The following MLKL variants were observed in gnomAD, a reference collection of about 807,000 sequenced individuals.
MLKL encodes mixed lineage kinase domain-like protein.
In MLKL, 55 loss-of-function variants were observed where a neutral mutation model predicts 56.5. The ratio of observed to expected loss-of-function variants is 0.97; its 90% CI spans 0.78 to 1.22. The LOEUF (loss-of-function observed/expected upper bound fraction) is 1.22. MLKL is among the 50% of genes most tolerant of loss of function. The pLI is 0.00. For synonymous variants in MLKL, 251 were observed against 208.3 expected, an observed-to-expected ratio of 1.20 and a Z score of -1.76; for missense variants, 694 against 573.9, an observed-to-expected ratio of 1.21 and a Z score of -2.14.
rs1960197064 is a variant in MLKL, at chr16:74,684,447, AAAAG to A, written c.820+1035_820+1038del. On this transcript the variant is annotated intron_variant, in intron 5 of 10. Coordinates refer to ENST00000308807, the MANE Select transcript of MLKL (RefSeq NM_152649.4). The stretch of plus-strand genomic sequence containing the variant: ...GGAAAAAAAGAAAAAAAAAAAAAAA[AAAAG>A]AGCCTGTCACATAAGGCTCTTGGTA... Among the ~76,000 whole-genome samples, 7 of 151,084 alleles carry A rather than the reference AAAAG, an allele frequency of 4.6e-5. No individual in the cohort carries two copies. In the South Asian group the frequency reaches 1.5e-3, roughly 32 times the overall value.
At position 74,672,368 on chromosome 16, in the gene MLKL, A is replaced by G; in HGVS notation, c.*136T>C. 1.3e-6 allele frequency: 1 copy of G among 762,778 alleles called. No homozygotes were observed. The highest frequency in any genetic ancestry group is 1.7e-5 in the African/African-American group (1 of 57,504). 47.3% of individuals were successfully genotyped at this position (762,778 alleles called of 1,614,324 possible). ...TCCTGTATGACTGGAATCGTTTTCT[A>G]TTTGTAACAGAGAAGCGTGCCCACT... On this transcript the variant is annotated 3_prime_UTR_variant, in exon 11 of 11. Transcript: ENST00000308807.
At chr16:74,697,225 T>C (rs1894084400) in intron 1 of MLKL, among the ~76,000 whole-genome samples, 1 of 151,560 alleles carries the variant, frequency 6.6e-6, no homozygotes, top group Admixed American at 6.6e-5. Context: ...AGAGCCCTGA[T>C]CCTAAAGCTT....
chr16:74,684,776 C>A (rs984670134), intron 5 of MLKL, among the ~76,000 whole-genome samples: 1 of 152,070 alleles, frequency 6.6e-6, no homozygotes, highest in South Asian at 2.1e-4. Context: ...AGCCACAGCG[C>A]CTGGCCAGGT....
intron 2 of MLKL, 105 bp from the exon 3 acceptor site, chr16:74,692,521 T>C (rs1960736928): frequency 1.9e-5 from 16 of 850,424 alleles, no homozygotes; most frequent in Non-Finnish European, 2.7e-5. Flanking sequence ...TTTTTACCTA[T>C]CATATTCATT....
chr16:74,696,176 A>C (rs2144563883), intron 1 of MLKL, among the ~76,000 whole-genome samples: 1 of 152,266 alleles, frequency 6.6e-6, no homozygotes, highest in African/African-American at 2.4e-5. Context: ...TCCCTGGATA[A>C]TCACTTGGAG....
intron 1 of MLKL, 146 bp from the exon 2 acceptor site, chr16:74,695,905 C>T (rs1481356506): frequency 6.7e-6 from 5 of 745,070 alleles, no homozygotes; most frequent in Non-Finnish European, 1.1e-5. Context: ...TGGTTTGCTA[C>T]CCACCAAAAT....
Position 74,674,984 on chromosome 16 carries a change from G to A in MLKL, c.1357C>T (p.Pro453Ser), listed in dbSNP as rs940763334. The A allele has an allele frequency of 6.2e-6, 10 of 1,614,204 alleles. No homozygotes were observed. Among genetic ancestry groups the A allele is most frequent in the Non-Finnish European group, 8.5e-6 (10 of 1,180,042 alleles). Residue 453 changes from proline to serine, a missense_variant, in exon 10 of 11, where the codon CCC becomes TCC. Coordinates refer to ENST00000308807, the MANE Select transcript of MLKL (RefSeq NM_152649.4). The part of the protein sequence containing the change: ...EIIDECRAHD[P>S]SVRPSVDEIL... ...CCATCCACAGAGGGCCGCACAGAGGGATCATGGGCCCGGCACTCATCAATG... is the reference window on the plus strand; with the variant it reads ...CCATCCACAGAGGGCCGCACAGAGGAATCATGGGCCCGGCACTCATCAATG...
At chr16:74,700,126 T>TTC (rs1051322253) in intron 1 of MLKL, among the ~76,000 whole-genome samples, 6 of 151,974 alleles carry the variant, frequency 3.9e-5, no homozygotes, top group Non-Finnish European at 7.4e-5. Context: ...CATTTCCCTC[T>TTC]TCTCTCTCTC....
At chr16:74,681,473 G>A (rs1216886124) in intron 6 of MLKL, among the ~76,000 whole-genome samples, 1 of 152,056 alleles carries the variant, frequency 6.6e-6, no homozygotes, top group Non-Finnish European at 1.5e-5. Flanking sequence ...GATTCTGCAG[G>A]TGAGAATAGG....
At chr16:74,696,513 G>A (rs1479629200) in intron 1 of MLKL, among the ~76,000 whole-genome samples, 1 of 151,586 alleles carries the variant, frequency 6.6e-6, no homozygotes, top group Non-Finnish European at 1.5e-5. Flanking sequence ...GCAGCTGGGC[G>A]AGGTGGCTCC....
Position 74,685,591 on chromosome 16 carries a change from G to C in MLKL, c.723-8C>G, listed in dbSNP as rs534017015. 1 of 1,603,680 alleles carries C rather than the reference G, an allele frequency of 6.2e-7. No individual in the cohort carries two copies. Among genetic ancestry groups the C allele is most frequent in the Admixed American group, 1.7e-5 (1 of 59,956 alleles). On this transcript the variant is annotated splice_region_variant and splice_polypyrimidine_tract_variant and intron_variant, in intron 4 of 10. Transcript: ENST00000308807. Reference sequence around the variant, plus strand: ...AAAGTCTGCCTCACTATTCTATAAGGATTAAAGAGAGAAATCAGGATTTCA... The same window carrying C: ...AAAGTCTGCCTCACTATTCTATAAGCATTAAAGAGAGAAATCAGGATTTCA...
At chr16:74,678,784 A>T in intron 7 of MLKL, 115 bp downstream of exon 7, 1 of 727,494 alleles carries the variant, frequency 1.4e-6, no homozygotes, top group Non-Finnish European at 2.3e-6. Context: ...TCTGTCTCTA[A>T]ATAAATAAAT....
rs747840105 is a variant in MLKL, at chr16:74,685,487, T to C, written c.819A>G (p.Thr273=). The change falls in exon 5 of 11, where the codon ACA becomes ACG. Residue 273 remains threonine (T), a splice_region_variant and synonymous_variant. Coordinates refer to ENST00000308807, the MANE Select transcript of MLKL (RefSeq NM_152649.4). ...ACCAATCCTAGAAGCATTCCTTACC[T>C]GTTTCATCAATGCAAATCCCAAATA... ...LRIFGICIDE[T]VTPPQFSIVM... 2 of 1,612,186 alleles carry C rather than the reference T, an allele frequency of 1.2e-6. No individual in the cohort carries two copies. Among genetic ancestry groups the C allele is most frequent in the Non-Finnish European group, 1.7e-6 (2 of 1,178,294 alleles).
intron 1 of MLKL, among the ~76,000 whole-genome samples, chr16:74,696,819 G>A (rs1227888948): frequency 6.6e-6 from 1 of 150,672 alleles, no homozygotes; most frequent in East Asian, 1.9e-4. Flanking sequence ...TTAGCTAGGT[G>A]TGGTGGTGCA....
In MLKL at chr16:74,675,399, C is replaced by T; in HGVS notation, c.1196G>A (p.Gly399Glu). ...AGTGGCGATTTCCCAGAGGACGATT[C>T]CAAAGCTAAAAGAAAACCAAGAAAC... ...YDVKSEIYSF[G>E]IVLWEIATGD... Residue 399 changes from glycine (G) to glutamate (E), a missense_variant, in exon 9 of 11, where the codon GGA (glycine) becomes GAA (glutamate). Coordinates refer to ENST00000308807, the MANE Select transcript of MLKL (RefSeq NM_152649.4). 6.2e-7 allele frequency: 1 copy of T among 1,613,844 alleles called. No homozygotes were observed. Among genetic ancestry groups the T allele is most frequent in the Non-Finnish European group, 8.5e-7 (1 of 1,180,036 alleles).
At chr16:74,690,040 C>T (rs555175020) in intron 4 of MLKL, among the ~76,000 whole-genome samples, 22 of 152,212 alleles carry the variant, frequency 1.4e-4, no homozygotes, top group Admixed American at 2.6e-4. Context: ...TGCTTTATTT[C>T]CACAATATAC....
chr16:74,698,001 C>T (rs1382270751), intron 1 of MLKL, among the ~76,000 whole-genome samples: 1 of 152,038 alleles, frequency 6.6e-6, no homozygotes, highest in African/African-American at 2.4e-5. Context: ...AGCCTGAGTT[C>T]GAGACCAGCC....
At chr16:74,672,953 T>C (rs1165526673) in intron 10 of MLKL, among the ~76,000 whole-genome samples, 1 of 152,238 alleles carries the variant, frequency 6.6e-6, no homozygotes, top group Non-Finnish European at 1.5e-5. Context: ...TCTGCGCTTC[T>C]GCTCTGTGGT....
intron 4 of MLKL, among the ~76,000 whole-genome samples, chr16:74,688,698 G>C (rs1452485806): frequency 6.6e-6 from 1 of 152,074 alleles, no homozygotes; most frequent in Non-Finnish European, 1.5e-5. Context: ...GGGTGACAGA[G>C]CAAGACTCCA....
Sources: gnomAD v4.1 joint callset for allele counts (sites outside exome capture counted in the v4.1 genomes callset) on GRCh38, gnomAD v4.1.1 for gene constraint, MANE v1.5 for transcripts, NCBI Gene and HGNC (gene_info 2026-07-23, HGNC 2026-07-21) for gene names.